The following ATL1 variants were observed in gnomAD, a reference collection of about 807,000 sequenced individuals.
The protein encoded by ATL1 is atlastin-1.
In ATL1, 31 loss-of-function variants were observed where a neutral mutation model predicts 75.5. The ratio of observed to expected loss-of-function variants is 0.41; its 90% CI spans 0.31 to 0.55. The LOEUF is 0.55. ATL1 is among the 20% of genes least tolerant of loss of function. The pLI, the probability that ATL1 is intolerant of heterozygous loss-of-function variation, is 0.27. For missense variants in ATL1, 405 were observed against 662.6 expected, an observed-to-expected ratio of 0.61 and a Z score of 4.27; for synonymous variants, 226 against 233.3, an observed-to-expected ratio of 0.97 and a Z score of 0.28.
intron 2 of ATL1, among the ~76,000 whole-genome samples, chr14:50,589,022 G>T (rs1227193495): frequency 6.6e-6 from 1 of 152,036 alleles, no homozygotes; most frequent in Non-Finnish European, 1.5e-5. Context: ...GGATACCAAA[G>T]AAAACATACC....
At chr14:50,606,913 A>G (rs1310037149) in intron 6 of ATL1, among the ~76,000 whole-genome samples, 1 of 152,116 alleles carries the variant, frequency 6.6e-6, no homozygotes, top group African/African-American at 2.4e-5. Flanking sequence ...AGAACTTTAT[A>G]CAAAAATTAG....
At chr14:50,623,126 T>G (rs1266312016) in intron 10 of ATL1, 51 bp from the exon 11 acceptor site, 5 of 1,521,144 alleles carry the variant, frequency 3.3e-6, no homozygotes, top group Middle Eastern at 1.7e-4. Flanking sequence ...CCTGTGGAAG[T>G]TTAATCAATA....
Position 50,575,165 on chromosome 14 carries a change from C to T in ATL1, c.35-12666C>T, listed in dbSNP as rs542680397. 2.3e-3 allele frequency among the ~76,000 whole-genome samples: 349 copies of T among 151,712 alleles called. 3 individuals carry two copies. The highest frequency in any genetic ancestry group is 8.0e-3 in the African/African-American group (330 of 41,402). ...AGTGACTTACTTTTCTACACACACA[C>T]ATACACACACATGCACAGTGCCCTC... On this transcript the variant is annotated intron_variant, in intron 1 of 13. Transcript: ENST00000358385.
intron 1 of ATL1, among the ~76,000 whole-genome samples, chr14:50,571,255 C>T (rs1481714304): frequency 2.0e-5 from 3 of 152,096 alleles, no homozygotes; most frequent in South Asian, 2.1e-4. Flanking sequence ...GGTTCTTATT[C>T]CCACTTTGGC....
chr14:50,604,301 A>G (rs981824487), intron 6 of ATL1, among the ~76,000 whole-genome samples: 1 of 152,062 alleles, frequency 6.6e-6, no homozygotes, highest in Admixed American at 6.6e-5. Flanking sequence ...TCTTAATCTG[A>G]GCCACTTATT....
chr14:50,548,838 C>T (rs2038666806), intron 1 of ATL1, among the ~76,000 whole-genome samples: 1 of 152,080 alleles, frequency 6.6e-6, no homozygotes. Flanking sequence ...GGGGCAGAAT[C>T]CCACTATACA....
intron 10 of ATL1, among the ~76,000 whole-genome samples, chr14:50,622,191 A>G (rs2039473246): frequency 6.6e-6 from 1 of 152,214 alleles, no homozygotes; most frequent in South Asian, 2.1e-4. Context: ...AACACACAGT[A>G]GAAAAGCAGG....
chr14:50,571,075 A>C (rs932824012), intron 1 of ATL1, among the ~76,000 whole-genome samples: 1 of 152,184 alleles, frequency 6.6e-6, no homozygotes, highest in Non-Finnish European at 1.5e-5. Context: ...GGGTAGTTAA[A>C]GGAACCTGCC....
At chr14:50,629,582 CCAAAAAAA>C (rs1426603086) in intron 12 of ATL1, among the ~76,000 whole-genome samples, 1 of 138,118 alleles carries the variant, frequency 7.2e-6, no homozygotes, top group Non-Finnish European at 1.5e-5. Flanking sequence ...GCTCCATCTC[CCAAAAAAA>C]AAAAAAAAAA....
At chr14:50,565,273 G>A (rs2038892447) in intron 1 of ATL1, among the ~76,000 whole-genome samples, 1 of 152,034 alleles carries the variant, frequency 6.6e-6, no homozygotes, top group African/African-American at 2.4e-5. Flanking sequence ...CTGGGCCACA[G>A]AGTGAGACTC....
At chr14:50,581,867 T>G (rs1477452403) in intron 1 of ATL1, among the ~76,000 whole-genome samples, 1 of 152,218 alleles carries the variant, frequency 6.6e-6, no homozygotes, top group Non-Finnish European at 1.5e-5. Context: ...TTACTGATTT[T>G]TGTCTGAATT....
rs559353239 is a variant in ATL1 at position 50,620,992 on chromosome 14, G to C, written c.990+266G>C. 2.0e-5 allele frequency among the ~76,000 whole-genome samples: 3 copies of C among 152,140 alleles called. No individual in the cohort carries two copies. In the South Asian group the frequency reaches 6.2e-4, roughly 32 times the overall value. On this transcript the variant is annotated intron_variant, in intron 9 of 13. Transcript: ENST00000358385. Reference sequence around the variant, plus strand: ...GGGAGCTGTATTTTGAAATATGAATGTAAGAGTTGGAAAAGTCTTTTGGGG... The same window carrying C: ...GGGAGCTGTATTTTGAAATATGAATCTAAGAGTTGGAAAAGTCTTTTGGGG...
chr14:50,595,522 CTCT>C, intron 5 of ATL1, 51 bp from the exon 6 acceptor site: 2 of 411,002 alleles, frequency 4.9e-6, no homozygotes, highest in Non-Finnish European at 7.1e-6. Flanking sequence ...CTAAAGTTCT[CTCT>C]CTCTCTCTCT....
At chr14:50,569,530 T>A (rs942411951) in intron 1 of ATL1, among the ~76,000 whole-genome samples, 5 of 152,186 alleles carry the variant, frequency 3.3e-5, no homozygotes, top group African/African-American at 4.8e-5. Context: ...CAGTTTTTTT[T>A]AAAAGTATTA....
At chr14:50,571,726 A>G (rs2038956922) in intron 1 of ATL1, among the ~76,000 whole-genome samples, 1 of 152,198 alleles carries the variant, frequency 6.6e-6, no homozygotes, top group Non-Finnish European at 1.5e-5. Context: ...TGGGTTTGCT[A>G]ATCTTTAGAT....
chr14:50,600,409 T>C (rs1363458721), intron 6 of ATL1, among the ~76,000 whole-genome samples: 1 of 152,324 alleles, frequency 6.6e-6, no homozygotes, highest in East Asian at 1.9e-4. Context: ...TTTGGACTTG[T>C]AACTCTTAAC....
intron 1 of ATL1, among the ~76,000 whole-genome samples, chr14:50,533,541 G>C (rs2038450595): frequency 6.6e-6 from 1 of 152,136 alleles, no homozygotes; most frequent in African/African-American, 2.4e-5. Context: ...TGCAGTTTCA[G>C]TTCCAGTCTT....
intron 1 of ATL1, among the ~76,000 whole-genome samples, chr14:50,542,318 A>G (rs974304793): frequency 1.4e-4 from 22 of 151,920 alleles, no homozygotes; most frequent in African/African-American, 4.8e-4. Context: ...GGGGAGAGAG[A>G]GCACTAGGAC....
intron 8 of ATL1, among the ~76,000 whole-genome samples, chr14:50,618,483 T>TAA: frequency 6.6e-6 from 1 of 152,288 alleles, no homozygotes; most frequent in African/African-American, 2.4e-5. Flanking sequence ...CAAGTACCTG[T>TAA]AAATCACGGT....
Sources: gnomAD v4.1 joint callset for allele counts (sites outside exome capture counted in the v4.1 genomes callset) on GRCh38, gnomAD v4.1.1 for gene constraint, MANE v1.5 for transcripts, NCBI Gene and HGNC (gene_info 2026-07-23, HGNC 2026-07-21) for gene names.